The following NSD1 variants were observed in gnomAD, a reference collection of about 807,000 sequenced individuals.
The protein encoded by NSD1 is histone-lysine N-methyltransferase, H3 lysine-36 specific.
Under a neutral mutation model 242.7 loss-of-function variants are expected in NSD1, and 26 were observed. That is an observed-to-expected ratio of 0.11 (90% CI 0.08 to 0.15). The LOEUF is 0.15. Among genes scored for constraint, NSD1 ranks in the 10% least tolerant of loss-of-function variants. The probability of loss-of-function intolerance (pLI) is 1.00; values close to 1 mark genes in which losing one functional copy is unlikely to be tolerated. For missense variants in NSD1, 2,495 were observed against 3,272.8 expected, an observed-to-expected ratio of 0.76 and a Z score of 5.80; for synonymous variants, 1,106 against 1,178.1, an observed-to-expected ratio of 0.94 and a Z score of 1.25.
At chr5:177,148,910 C>T (rs754298806) in intron 2 of NSD1, among the ~76,000 whole-genome samples, 1 of 152,230 alleles carries the variant, frequency 6.6e-6, no homozygotes, top group Non-Finnish European at 1.5e-5. Flanking sequence ...CCTCTGCTTC[C>T]CGGCTTCAAG....
chr5:177,183,105 G>GT (rs1190259903), intron 2 of NSD1, among the ~76,000 whole-genome samples: 4 of 151,846 alleles, frequency 2.6e-5, no homozygotes, highest in African/African-American at 9.7e-5. Flanking sequence ...TTTTTTGTTT[G>GT]TTTTTTTAGT....
At chr5:177,195,890 C>T (rs1394182550) in intron 3 of NSD1, among the ~76,000 whole-genome samples, 1 of 152,058 alleles carries the variant, frequency 6.6e-6, no homozygotes, top group Non-Finnish European at 1.5e-5. Flanking sequence ...GGCCATACAT[C>T]TATACTGCTT....
rs748128609 is a variant in NSD1 at position 177,136,105 on chromosome 5, C to G, written c.927+75C>G. 7 of 1,374,052 alleles carry G rather than the reference C, an allele frequency of 5.1e-6. No individual in the cohort carries two copies. In the African/African-American group the frequency reaches 7.2e-5, roughly 14 times the overall value. The allele number at this position is 1,374,052 out of a possible 1,614,324, so 85.1% of individuals were successfully genotyped here. A position where few individuals can be genotyped will look rare whatever the true frequency, so the allele number is the denominator to read the frequency against. On this transcript the variant is annotated intron_variant, in intron 2 of 22. Transcript: ENST00000439151. ...AGGCCACTTAAAGGGAAACTTGTAA[C>G]AAATTTGTTTTTGGTTGCTTATCAG... is the stretch of plus-strand genomic sequence containing the variant.
At chr5:177,261,740 T>G (rs1228709529) in intron 14 of NSD1, among the ~76,000 whole-genome samples, 3 of 152,212 alleles carry the variant, frequency 2.0e-5, no homozygotes, top group African/African-American at 7.2e-5. Context: ...TTGTGGACTT[T>G]GCTCCACTAT....
intron 18 of NSD1, among the ~76,000 whole-genome samples, chr5:177,281,333 C>CTT (rs11384478): frequency 0.044 from 6,217 of 142,060 alleles, 192 homozygotes; most frequent in African/African-American, 0.089. Flanking sequence ...ATTGTATAGT[C>CTT]TTTTTTTTTT....
At chr5:177,193,607 G>C (rs1418287719) in intron 3 of NSD1, among the ~76,000 whole-genome samples, 3 of 151,786 alleles carry the variant, frequency 2.0e-5, no homozygotes, top group South Asian at 4.2e-4. Context: ...CCTTTTTTCT[G>C]TTAGGATGGT....
chr5:177,159,192 G>A (rs551266425), intron 2 of NSD1, among the ~76,000 whole-genome samples: 12 of 150,282 alleles, frequency 8.0e-5, no homozygotes, highest in Admixed American at 4.6e-4. Flanking sequence ...ACAGGCACTC[G>A]CCACCATGCC....
In NSD1 at chr5:177,294,860, G is replaced by T. The variant is rs1348361825; in HGVS notation, c.7492G>T (p.Gly2498Trp). The change falls in exon 23 of 23, where the codon GGG becomes TGG. Residue 2498 changes from glycine to tryptophan, a missense_variant. Gly to Trp is a radical substitution (Grantham distance 184, BLOSUM62 -2). Around this residue, in one of 19 missense-constraint regions of NSD1, gnomAD observed 475 missense variants for 563.7 expected, o/e 0.84. Transcript: ENST00000439151. ...SSSWPASKGLGHMPRAVEKGC... is the reference protein window; with the variant it reads ...SSSWPASKGLWHMPRAVEKGC... Reference sequence around the variant, plus strand: ...TTCATGGCCTGCCAGCAAAGGTCTGGGGCATATGCCGAGAGCTGTTGAGAA... The same window carrying T: ...TTCATGGCCTGCCAGCAAAGGTCTGTGGCATATGCCGAGAGCTGTTGAGAA... 1 of 1,612,900 alleles carries T rather than the reference G, an allele frequency of 6.2e-7. No homozygotes were observed. Among genetic ancestry groups the T allele is most frequent in the Non-Finnish European group, 8.5e-7 (1 of 1,179,976 alleles).
At chr5:177,213,919 C>A (rs1383782707) in intron 5 of NSD1, among the ~76,000 whole-genome samples, 2 of 151,758 alleles carry the variant, frequency 1.3e-5, no homozygotes, top group African/African-American at 4.8e-5. Flanking sequence ...TGTATCAGTT[C>A]TTCTGTCTTC....
chr5:177,248,017 CA>C, intron 10 of NSD1, 163 bp from the exon 11 acceptor site: 1 of 985,442 alleles, frequency 1.0e-6, no homozygotes, highest in Non-Finnish European at 1.2e-6. Flanking sequence ...ACTACCCGCC[CA>C]ATCACAGCAG....
In NSD1 at chr5:177,210,735, A is replaced by G; in HGVS notation, c.2336A>G (p.His779Arg). Reference sequence around the variant, plus strand: ...GGGGCAGCAAATCAAGCTCTATTACATTCGAAAAGCAAACAGCCCAAGTTC... The same window carrying G: ...GGGGCAGCAAATCAAGCTCTATTACGTTCGAAAAGCAAACAGCCCAAGTTC... ...KGGAANQALL[H>R]SKSKQPKFRS... Residue 779 changes from histidine (H) to arginine (R), a missense_variant, in exon 5 of 23, where the codon CAT becomes CGT. His to Arg is a conservative substitution (Grantham distance 29). Around this residue, in one of 19 missense-constraint regions of NSD1, gnomAD observed 515 missense variants for 467.0 expected, o/e 1.10. Coordinates refer to ENST00000439151, the MANE Select transcript of NSD1 (RefSeq NM_022455.5). 1 of 1,614,218 alleles carries G rather than the reference A, an allele frequency of 6.2e-7. No individual in the cohort carries two copies. The highest frequency in any genetic ancestry group is 8.5e-7 in the Non-Finnish European group (1 of 1,180,038).
rs1011598420 is a variant in NSD1, at chr5:177,300,017, C to T, written c.*4558C>T. 3 of 190,100 alleles carry T rather than the reference C, an allele frequency of 1.6e-5. No individual in the cohort carries two copies. Among genetic ancestry groups the T allele is most frequent in the Non-Finnish European group, 3.1e-5 (3 of 96,194 alleles). 11.8% of individuals were successfully genotyped at this position (190,100 alleles called of 1,614,324 possible). A position where few individuals can be genotyped will look rare whatever the true frequency, so the allele number is the denominator to read the frequency against. On this transcript the variant is annotated 3_prime_UTR_variant, in exon 23 of 23. Coordinates refer to ENST00000439151, the MANE Select transcript of NSD1 (RefSeq NM_022455.5). ...CTACCTATATTGTTAAGAAAGGGGT[C>T]GGGGGGATCAGCCAAGGTCCATCAT...
rs57114836 is a variant in NSD1, at chr5:177,152,319, GTGTATGTATGTA to G, written c.927+16321_927+16332del. On this transcript the variant is annotated intron_variant, in intron 2 of 22. Coordinates refer to ENST00000439151, the MANE Select transcript of NSD1 (RefSeq NM_022455.5). ...CTGTGCCGAGCCAGGTTGTGTGTGT[GTGTATGTATGTA>G]TGTATGTATGTATGTATGTATGTAT... 7.5e-3 allele frequency among the ~76,000 whole-genome samples: 968 copies of G among 128,228 alleles called. 11 individuals are homozygous for G. Among genetic ancestry groups the G allele is most frequent in the African/African-American group, 0.024 (871 of 36,948 alleles). 84.1% of individuals were successfully genotyped at this position (128,228 alleles called of 152,430 possible). A position where few individuals can be genotyped will look rare whatever the true frequency, so the allele number is the denominator to read the frequency against.
chr5:177,165,992 C>G (rs1759162265), intron 2 of NSD1, among the ~76,000 whole-genome samples: 1 of 150,908 alleles, frequency 6.6e-6, no homozygotes, highest in African/African-American at 2.4e-5. Context: ...TCATTGCAAC[C>G]TCCGCCTCCC....
chr5:177,249,957 G>A (rs756843485), intron 11 of NSD1, among the ~76,000 whole-genome samples: 10 of 152,278 alleles, frequency 6.6e-5, no homozygotes, highest in African/African-American at 9.6e-5. Context: ...ATGACAGTTC[G>A]TGCCTGTAAT....
Position 177,235,844 on chromosome 5 carries a change from C to T in NSD1, c.3820C>T (p.Leu1274Phe). The T allele has an allele frequency of 6.2e-7, 1 of 1,613,880 alleles. No homozygotes were observed. The highest frequency in any genetic ancestry group is 8.5e-7 in the Non-Finnish European group (1 of 1,179,908). Residue 1274 changes from leucine (L) to phenylalanine (F), a missense_variant, in exon 6 of 23, where the codon CTT becomes TTT. Leu to Phe is a conservative substitution (Grantham distance 22, BLOSUM62 0). Coordinates refer to ENST00000439151, the MANE Select transcript of NSD1 (RefSeq NM_022455.5). ...EPAVRSEKKR[L>F]RKPSKWLLEY... The stretch of plus-strand genomic sequence containing the variant: ...AGCTGTGCGGTCAGAGAAGAAACGC[C>T]TTAGGAAGCCAAGCAAGTGGCTTTT...
At chr5:177,268,599 A>G (rs928801341) in intron 15 of NSD1, among the ~76,000 whole-genome samples, 1 of 152,060 alleles carries the variant, frequency 6.6e-6, no homozygotes, top group African/African-American at 2.4e-5. Context: ...GAAATAGAAC[A>G]CTGTTGGTAC....
intron 5 of NSD1, among the ~76,000 whole-genome samples, chr5:177,216,709 A>T (rs1763803446): frequency 6.9e-6 from 1 of 144,488 alleles, no homozygotes. Flanking sequence ...TAAAATTGAG[A>T]CGGGGTCCAA....
At chr5:177,266,886 GGC>G (rs1474865004) in intron 14 of NSD1, among the ~76,000 whole-genome samples, 2 of 152,156 alleles carry the variant, frequency 1.3e-5, no homozygotes, top group South Asian at 2.1e-4. Context: ...ATTTATTTGA[GGC>G]AAGAGCCTTG....
Sources: allele counts gnomAD v4.1 joint callset (sites outside exome capture counted in the v4.1 genomes callset), GRCh38; gene constraint gnomAD v4.1.1; regional missense constraint gnomAD v4.1.1; transcripts MANE v1.5; gene names NCBI Gene and HGNC (gene_info 2026-07-23, HGNC 2026-07-21).